Variants in SH3KBP1 observed in about 807,000 individuals in gnomAD.
SH3KBP1 encodes the protein SH3 domain containing kinase binding protein 1.
Under a neutral mutation model 50.1 loss-of-function variants are expected in SH3KBP1, and 8 were observed. The observed-to-expected ratio is 0.16, with a 90% confidence interval of 0.09 to 0.29. The LOEUF is 0.29. Ranked by LOEUF, SH3KBP1 falls within the 10% of genes least tolerant of loss-of-function variation. The pLI is 1.00. For synonymous variants in SH3KBP1, 227 were observed against 218.6 expected (o/e 1.04, Z -0.34); for missense variants, 377 against 535.2 (o/e 0.70, Z 2.92).
At chrX:19,840,178 C>A (rs2068182487) in intron 1 of SH3KBP1, among the ~76,000 whole-genome samples, 1 of 111,371 alleles carries the variant, frequency 9.0e-6, no homozygotes, top group Non-Finnish European at 1.9e-5. Context: ...TCTCTCCTAC[C>A]CACTCTAAGG....
intron 7 of SH3KBP1, among the ~76,000 whole-genome samples, chrX:19,639,568 G>A (rs925660905): frequency 2.7e-5 from 3 of 111,024 alleles, no homozygotes; most frequent in Admixed American, 9.6e-5. Flanking sequence ...TAAGCCACAC[G>A]GGTAGGCTGG....
At chrX:19,824,499 T>C (rs1449823576) in intron 2 of SH3KBP1, among the ~76,000 whole-genome samples, 1 of 111,376 alleles carries the variant, frequency 9.0e-6, no homozygotes, top group Non-Finnish European at 1.9e-5. Context: ...TCTGATGACG[T>C]AGTGCACCTG....
At chrX:19,740,063 C>T (rs1467469677) in intron 3 of SH3KBP1, among the ~76,000 whole-genome samples, 1 of 111,189 alleles carries the variant, frequency 9.0e-6, no homozygotes, top group Non-Finnish European at 1.9e-5. Flanking sequence ...ATCAATGACC[C>T]ACACATAATC....
intron 3 of SH3KBP1, among the ~76,000 whole-genome samples, chrX:19,713,845 C>G (rs2063836393): frequency 8.9e-6 from 1 of 111,964 alleles, no homozygotes; most frequent in South Asian, 3.7e-4. Flanking sequence ...CAGTAACCAA[C>G]CTCTCTACTC....
chrX:19,594,674 G>T (rs747386580), intron 10 of SH3KBP1, among the ~76,000 whole-genome samples: 45 of 110,415 alleles, frequency 4.1e-4, no homozygotes, highest in South Asian at 1.2e-3. Context: ...TGTTTTTTTT[G>T]TTTGTTTGTT....
At chrX:19,876,928 A>T (rs1194274456) in intron 1 of SH3KBP1, among the ~76,000 whole-genome samples, 2 of 111,685 alleles carry the variant, frequency 1.8e-5, no homozygotes, top group Non-Finnish European at 3.8e-5. Context: ...TTTTTCTTCA[A>T]TTGGTGAAAT....
intron 13 of SH3KBP1, among the ~76,000 whole-genome samples, chrX:19,553,256 A>T (rs1255439580): frequency 3.6e-5 from 4 of 111,123 alleles, no homozygotes; most frequent in Non-Finnish European, 7.6e-5. Context: ...AACACCAGGA[A>T]ACTTCTGCCA....
chrX:19,577,480 C>G (rs1218299166), intron 12 of SH3KBP1, among the ~76,000 whole-genome samples: 2 of 111,386 alleles, frequency 1.8e-5, no homozygotes, highest in Non-Finnish European at 3.8e-5. Flanking sequence ...AAAAATCATG[C>G]ACTCGACCTA....
intron 2 of SH3KBP1, among the ~76,000 whole-genome samples, chrX:19,827,527 T>TC (rs2067720618): frequency 9.0e-6 from 1 of 111,619 alleles, no homozygotes; most frequent in African/African-American, 3.3e-5. Context: ...AGGCTTTTTT[T>TC]CTTTTAAAAT....
At chrX:19,647,303 C>T (rs779090118) in intron 6 of SH3KBP1, among the ~76,000 whole-genome samples, 21 of 109,601 alleles carry the variant, frequency 1.9e-4, no homozygotes, top group South Asian at 3.9e-4. Flanking sequence ...ACACATGTAA[C>T]GGTTTGGGCA....
intron 2 of SH3KBP1, among the ~76,000 whole-genome samples, chrX:19,786,191 T>C (rs1316734336): frequency 9.0e-6 from 1 of 111,713 alleles, no homozygotes; most frequent in East Asian, 2.8e-4. Context: ...TAATGTACTC[T>C]GCATGTCTGG....
intron 1 of SH3KBP1, among the ~76,000 whole-genome samples, chrX:19,849,389 G>A (rs2068443710): frequency 9.0e-6 from 1 of 111,058 alleles, no homozygotes; most frequent in Non-Finnish European, 1.9e-5. Context: ...GCAGAACCTA[G>A]ATTACAACAG....
chrX:19,700,883 G>T (rs1011893197), intron 4 of SH3KBP1, among the ~76,000 whole-genome samples: 2 of 112,149 alleles, frequency 1.8e-5, no homozygotes, highest in Admixed American at 1.9e-4. Context: ...CATTCACATA[G>T]GGAAGCTGAT....
At chrX:19,688,734 C>T (rs1404192787) in intron 5 of SH3KBP1, among the ~76,000 whole-genome samples, 4 of 110,305 alleles carry the variant, frequency 3.6e-5, no homozygotes, top group Non-Finnish European at 7.6e-5. Flanking sequence ...AAACATATTA[C>T]TTTAAATTAT....
At chrX:19,761,038 A>G (rs1569460040) in intron 2 of SH3KBP1, among the ~76,000 whole-genome samples, 1 of 105,378 alleles carries the variant, frequency 9.5e-6, no homozygotes, top group Non-Finnish European at 1.9e-5. Flanking sequence ...AGGACAGTCA[A>G]TGAGAGAGAG....
chrX:19,601,882 C>T (rs758487918), intron 9 of SH3KBP1, among the ~76,000 whole-genome samples: 14 of 111,290 alleles, frequency 1.3e-4, no homozygotes, highest in Non-Finnish European at 2.6e-4. Context: ...ACTGGAGATC[C>T]CCAGGGACCT....
chrX:19,853,944 A>G (rs1209956843), intron 1 of SH3KBP1, among the ~76,000 whole-genome samples: 2 of 106,108 alleles, frequency 1.9e-5, no homozygotes, highest in East Asian at 6.2e-4. Flanking sequence ...CCTGGGCAAG[A>G]GAGAACGAAA....
At chrX:19,743,287 AG>A (rs1230188863) in intron 3 of SH3KBP1, among the ~76,000 whole-genome samples, 2 of 110,477 alleles carry the variant, frequency 1.8e-5, no homozygotes, top group East Asian at 5.7e-4. Context: ...CGTACCTTGT[AG>A]TCCCAGCTAC....
At chrX:19,653,592 T>C (rs757717610) in intron 6 of SH3KBP1, among the ~76,000 whole-genome samples, 1 of 109,830 alleles carries the variant, frequency 9.1e-6, no homozygotes, top group African/African-American at 3.3e-5. Context: ...GCACCTGTAA[T>C]CCGAGCTACT....
Sources: gnomAD v4.1 joint callset for allele counts (sites outside exome capture counted in the v4.1 genomes callset) on GRCh38, gnomAD v4.1.1 for gene constraint, MANE v1.5 for transcripts, NCBI Gene and HGNC (gene_info 2026-07-23, HGNC 2026-07-21) for gene names.